The following BLK variants were observed in gnomAD, a reference collection of about 807,000 sequenced individuals.
BLK encodes BLK proto-oncogene, Src family tyrosine kinase.
A neutral mutation model predicts 61.8 loss-of-function variants in BLK; 64 were observed. The ratio of observed to expected loss-of-function variants is 1.03; its 90% CI spans 0.85 to 1.27. The LOEUF is 1.27. BLK is among the 50% of genes most tolerant of loss of function. The probability of loss-of-function intolerance (pLI) is 0.00; values close to 1 mark genes in which losing one functional copy is unlikely to be tolerated. For synonymous variants in BLK, 351 were observed against 272.0 expected (o/e 1.29, Z -2.86); for missense variants, 853 against 660.5 (o/e 1.29, Z -3.19).
chr8:11,561,389 T>C lies in BLK; in HGVS notation c.1117T>C (p.Cys373Arg). 3 of 1,614,152 alleles carry C rather than the reference T, an allele frequency of 1.9e-6. No homozygotes were observed. Among genetic ancestry groups the C allele is most frequent in the Non-Finnish European group, 2.5e-6 (3 of 1,180,022 alleles). ...CAACATCCTGGTGTCTGAGGCCTTG[T>C]GCTGCAAAATTGCTGATTTTGGCTT... ...AANILVSEAL[C>R]CKIADFGLAR... The change falls in exon 11 of 13, where the codon TGC (cysteine) becomes CGC (arginine). Residue 373 changes from cysteine (C) to arginine (R), a missense_variant. By Grantham distance (180) the Cys-to-Arg change is radical. Coordinates refer to ENST00000259089, the MANE Select transcript of BLK (RefSeq NM_001715.3).
intron 1 of BLK, among the ~76,000 whole-genome samples, 194 bp downstream of exon 1, chr8:11,494,785 T>A (rs1798303745): frequency 1.3e-5 from 2 of 152,228 alleles, no homozygotes; most frequent in Non-Finnish European, 1.5e-5. Flanking sequence ...GTTTTGAGAA[T>A]TTTTAATTTA....
intron 2 of BLK, chr8:11,545,722 C>G: frequency 2.6e-6 from 1 of 391,004 alleles, no homozygotes. Flanking sequence ...TCAACAAATA[C>G]CCGTTTGCAG....
rs750040024 is a variant in BLK, at chr8:11,512,543, T to G, written c.-2+17952T>G. Among the ~76,000 whole-genome samples the G allele has an allele frequency of 2.6e-5, 4 of 152,360 alleles. No individual in the cohort carries two copies. In the East Asian group the frequency reaches 7.7e-4, roughly 29 times the overall value. ...TACAAATTATTTTAGTATTATCAAT[T>G]TGATCCTTTAAGGCAGGCAGAAAAC... is the stretch of plus-strand genomic sequence containing the variant. On this transcript the variant is annotated intron_variant, in intron 1 of 12. Coordinates refer to ENST00000259089, the MANE Select transcript of BLK (RefSeq NM_001715.3).
chr8:11,520,080 T>C (rs1056313838), intron 1 of BLK, among the ~76,000 whole-genome samples: 7 of 152,344 alleles, frequency 4.6e-5, no homozygotes, highest in African/African-American at 1.7e-4. Context: ...GGCTAATTAA[T>C]ATAGAGTCAA....
intron 1 of BLK, chr8:11,509,907 CTCTTT>C (rs768710965): frequency 2.0e-5 from 3 of 152,136 alleles, no homozygotes; most frequent in Admixed American, 6.5e-5. Flanking sequence ...TTAGATTCTT[CTCTTT>C]TCTTTTTCTT....
At chr8:11,544,361 C>T (rs889793583) in intron 2 of BLK, among the ~76,000 whole-genome samples, 1 of 152,150 alleles carries the variant, frequency 6.6e-6, no homozygotes, top group Non-Finnish European at 1.5e-5. Context: ...GCCGCGACCC[C>T]CTCTCCTGTG....
chr8:11,518,821 C>T (rs2091232776), intron 1 of BLK, among the ~76,000 whole-genome samples: 1 of 152,206 alleles, frequency 6.6e-6, no homozygotes, highest in Non-Finnish European at 1.5e-5. Context: ...CAGGGAGCCT[C>T]TTTCTGCTCT....
chr8:11,535,920 G>C (rs964896813), intron 1 of BLK, among the ~76,000 whole-genome samples: 8 of 152,206 alleles, frequency 5.3e-5, no homozygotes, highest in African/African-American at 1.9e-4. Flanking sequence ...CATTCTATAG[G>C]ACTGGCCTTT....
chr8:11,545,610 T>C, intron 2 of BLK: 1 of 205,054 alleles, frequency 4.9e-6, no homozygotes, highest in Non-Finnish European at 1.0e-5. Context: ...CATTCCCTTG[T>C]ACACTCTTGT....
chr8:11,499,057 C>T (rs1277980584), intron 1 of BLK, among the ~76,000 whole-genome samples: 1 of 152,174 alleles, frequency 6.6e-6, no homozygotes, highest in Non-Finnish European at 1.5e-5. Context: ...GATTGAGAGC[C>T]ATGAACCTAG....
chr8:11,541,296 C>A lies in BLK; in HGVS notation c.-1-1928C>A, dbSNP rs549229700. 2.0e-4 allele frequency among the ~76,000 whole-genome samples: 31 copies of A among 152,210 alleles called. No individual in the cohort carries two copies. In the South Asian group the frequency reaches 6.2e-3, roughly 31 times the overall value. ...ACAAAATAATTAGCAAATAAGAATC[C>A]ATCCATGTGCCAAATAGACTAATAT... On this transcript the variant is annotated intron_variant, in intron 1 of 12. Coordinates refer to ENST00000259089, the MANE Select transcript of BLK (RefSeq NM_001715.3).
At chr8:11,497,791 G>C (rs1798411401) in intron 1 of BLK, among the ~76,000 whole-genome samples, 1 of 152,230 alleles carries the variant, frequency 6.6e-6, no homozygotes, top group South Asian at 2.1e-4. Flanking sequence ...TTGGAAGAAA[G>C]AGAAGAGGCA....
In BLK at chr8:11,533,557, G is replaced by A. The variant is rs1158932292; in HGVS notation, c.-1-9667G>A. 2.7e-5 allele frequency among the ~76,000 whole-genome samples: 4 copies of A among 147,870 alleles called. No individual in the cohort carries two copies. In the East Asian group the frequency reaches 8.0e-4, roughly 30 times the overall value. On this transcript the variant is annotated intron_variant, in intron 1 of 12. Transcript: ENST00000259089. ...GAGATGTGGCTCAAATCTCTCTTCT[G>A]TGCTTCAGTTTCTTCCCTGTCTGCC...
intron 2 of BLK, among the ~76,000 whole-genome samples, chr8:11,543,882 G>A (rs1800503086): frequency 6.6e-6 from 1 of 152,166 alleles, no homozygotes. Flanking sequence ...TATTGCTGGG[G>A]AATGCATTTT....
In BLK at chr8:11,545,990, C is replaced by G; in HGVS notation, c.124-62C>G. 13 of 1,570,496 alleles carry G rather than the reference C, an allele frequency of 8.3e-6. No homozygotes were observed. The South Asian group carries it at 1.2e-4, about 15-fold the overall frequency. ...TGGCTGCCCGGCTCAGCAGTCTCAA[C>G]CCCCAGGCCCCACCCACGCAGCAGG... On this transcript the variant is annotated intron_variant, in intron 2 of 12. Transcript: ENST00000259089.
intron 6 of BLK, among the ~76,000 whole-genome samples, chr8:11,551,638 G>C (rs1396414556): frequency 6.6e-6 from 1 of 152,160 alleles, no homozygotes; most frequent in Non-Finnish European, 1.5e-5. Flanking sequence ...TCCCGGGTGT[G>C]ACCATTCCAG....
At position 11,512,264 on chromosome 8, in the gene BLK, G is replaced by A. The variant is rs554613566; in HGVS notation, c.-2+17673G>A. ...TGAACGAAGACTAGTTCTTCAAGCAGACCTGTGGAGGACACCACAGAAAAC... is the reference window on the plus strand; with the variant it reads ...TGAACGAAGACTAGTTCTTCAAGCAAACCTGTGGAGGACACCACAGAAAAC... On this transcript the variant is annotated intron_variant, in intron 1 of 12. Transcript: ENST00000259089. Among the ~76,000 whole-genome samples, 3 of 152,312 alleles carry A rather than the reference G, an allele frequency of 2.0e-5. No individual in the cohort carries two copies. In the East Asian group the frequency reaches 5.8e-4, roughly 29 times the overall value.
intron 4 of BLK, among the ~76,000 whole-genome samples, chr8:11,548,699 G>A (rs918894096): frequency 6.6e-6 from 1 of 152,154 alleles, no homozygotes; most frequent in Non-Finnish European, 1.5e-5. Context: ...TACAGTCCAC[G>A]CCAACCGTGT....
At chr8:11,506,544 G>T (rs1484605493) in intron 1 of BLK, among the ~76,000 whole-genome samples, 1 of 152,120 alleles carries the variant, frequency 6.6e-6, no homozygotes, top group African/African-American at 2.4e-5. Flanking sequence ...TCCACAGCTT[G>T]GTGTGCAAAA....
Sources: gnomAD v4.1 joint callset for allele counts (sites outside exome capture counted in the v4.1 genomes callset) on GRCh38, gnomAD v4.1.1 for gene constraint, MANE v1.5 for transcripts, NCBI Gene and HGNC (gene_info 2026-07-23, HGNC 2026-07-21) for gene names.